Variants in RBBP6 observed in about 807,000 individuals in gnomAD.
RBBP6 encodes RB binding protein 6, ubiquitin ligase, also known as E3 ubiquitin-protein ligase RBBP6.
Under a neutral mutation model 167.7 loss-of-function variants are expected in RBBP6, and 25 were observed. The ratio of observed to expected loss-of-function variants is 0.15; its 90% CI spans 0.11 to 0.21. The LOEUF (loss-of-function observed/expected upper bound fraction) is 0.21. Ranked by LOEUF, RBBP6 falls within the 10% of genes least tolerant of loss-of-function variation. The pLI is 1.00. For missense variants in RBBP6, 1,868 were observed against 2,134.2 expected (o/e 0.88, Z 2.46); for synonymous variants, 789 against 735.8 (o/e 1.07, Z -1.17).
chr16:24,541,205 C>CAAAAAAAAAAAAAAAAAATA (rs933107246), intron 1 of RBBP6, among the ~76,000 whole-genome samples: 1 of 79,268 alleles, frequency 1.3e-5, no homozygotes, highest in Non-Finnish European at 2.5e-5. Flanking sequence ...AAAAAAAAAC[C>CAAAAAAAAAAAAAAAAAATA]AAAAAAACAA....
In RBBP6 at chr16:24,571,444, C is replaced by T. The variant is rs199686152; in HGVS notation, c.4378C>T (p.Arg1460Cys). ...AACGTCAGATAAACATGATTCCACT[C>T]GTGCTTCCTCAAATAAAGACTTCAC... ...ARTSDKHDST[R>C]ASSNKDFTPN... Residue 1460 changes from arginine (R) to cysteine (C), a missense_variant, in exon 18 of 18, where the codon CGT becomes TGT. By Grantham distance (180) the Arg-to-Cys change is radical. This residue lies in a region of RBBP6 where 591 missense variants were observed against 540.5 expected (regional missense o/e 1.09). Transcript: ENST00000319715. The T allele has an allele frequency of 6.1e-5, 99 of 1,612,956 alleles. No homozygotes were observed. Among genetic ancestry groups the T allele is most frequent in the South Asian group, 3.2e-4 (29 of 90,796 alleles).
intron 14 of RBBP6, among the ~76,000 whole-genome samples, chr16:24,565,506 C>T (rs1899173211): frequency 1.3e-5 from 2 of 152,220 alleles, no homozygotes; most frequent in African/African-American, 4.8e-5. Flanking sequence ...ACCACCTGAG[C>T]TCCACCTCTT....
Position 24,570,481 on chromosome 16 carries a change from C to A in RBBP6, c.3791C>A (p.Thr1264Asn). Reference sequence around the variant, plus strand: ...ACTGGAACTGAAGGATCCAGCTCAACTCTGGTGGATTACACCAGGTAGCTG... The same window carrying A: ...ACTGGAACTGAAGGATCCAGCTCAAATCTGGTGGATTACACCAGGTAGCTG... Reference protein sequence around the residue: ...KVTGTEGSSSTLVDYTSTSST... With the variant: ...KVTGTEGSSSNLVDYTSTSST... The change falls in exon 17 of 18, where the codon ACT becomes AAT. Residue 1264 changes from threonine (T) to asparagine (N), a missense_variant. Thr to Asn is a moderately conservative substitution (Grantham distance 65). Around this residue, in one of 7 missense-constraint regions of RBBP6, gnomAD observed 673 missense variants for 691.5 expected, o/e 0.97. Coordinates refer to ENST00000319715, the MANE Select transcript of RBBP6 (RefSeq NM_006910.5). 6.3e-7 allele frequency: 1 copy of A among 1,585,780 alleles called. No homozygotes were observed.
At chr16:24,554,405 C>T (rs1278991781) in intron 4 of RBBP6, 2 of 151,954 alleles carry the variant, frequency 1.3e-5, no homozygotes, top group Non-Finnish European at 2.9e-5. Flanking sequence ...CCAAATTTAG[C>T]AACCAAGATT....
At position 24,572,686 on chromosome 16, in the gene RBBP6, C is replaced by T; in HGVS notation, c.*241C>T. 1 of 421,880 alleles carries T rather than the reference C, an allele frequency of 2.4e-6. No homozygotes were observed. Among genetic ancestry groups the T allele is most frequent in the South Asian group, 5.0e-5 (1 of 19,834 alleles). The allele number at this position is 421,880 out of a possible 1,614,324, so 26.1% of individuals were successfully genotyped here. On this transcript the variant is annotated 3_prime_UTR_variant, in exon 18 of 18. Transcript: ENST00000319715. The stretch of plus-strand genomic sequence containing the variant: ...GCTAGGGCCTATTATTTTTAACCAC[C>T]ATTAATTAGTTGGGGTGGAGTTTAC...
At chr16:24,562,601 A>G (rs1899092216) in intron 10 of RBBP6, among the ~76,000 whole-genome samples, 1 of 151,892 alleles carries the variant, frequency 6.6e-6, no homozygotes, top group African/African-American at 2.4e-5. Flanking sequence ...CATAATTATT[A>G]TGTAGGAGAA....
In RBBP6 at chr16:24,553,556, AG is replaced by A; in HGVS notation, c.348+1del. 1 of 1,534,160 alleles carries A rather than the reference AG, an allele frequency of 6.5e-7. No individual in the cohort carries two copies. Among genetic ancestry groups the A allele is most frequent in the Non-Finnish European group, 8.7e-7 (1 of 1,147,642 alleles). ...TCTATTTCTCTGGCCCAGCTTACAA[AG>A]GTATATATATATATATATTCTTGAA... ...SASISLAQLT[K>X]TANLAEANAS... On this transcript the variant is annotated frameshift_variant and splice_region_variant, in exon 4 of 18. Coordinates refer to ENST00000319715, the MANE Select transcript of RBBP6 (RefSeq NM_006910.5). LOFTEE classifies it high-confidence loss of function.
chr16:24,564,491 T>G (rs549725443), intron 13 of RBBP6, among the ~76,000 whole-genome samples: 1 of 152,366 alleles, frequency 6.6e-6, no homozygotes, highest in East Asian at 1.9e-4. Context: ...AAAGGGCTCT[T>G]TTCCTTGTAT....
At chr16:24,564,119 T>G (rs1300327476) in intron 13 of RBBP6, among the ~76,000 whole-genome samples, 1 of 152,166 alleles carries the variant, frequency 6.6e-6, no homozygotes, top group Non-Finnish European at 1.5e-5. Flanking sequence ...TTGTCTGAAA[T>G]CGAGTTGTTC....
Position 24,541,198 on chromosome 16 carries a change from AAAAAACC to A in RBBP6, c.166+412_166+418del, listed in dbSNP as rs1451016166. ...TCAATCAGCAAAAAAAAAAACAAAA[AAAAAACC>A]AAAAAAACAATTTTCTAACCTAACA... On this transcript the variant is annotated intron_variant, in intron 1 of 17. Transcript: ENST00000319715. 2.0e-3 allele frequency among the ~76,000 whole-genome samples: 265 copies of A among 133,336 alleles called. 8 individuals are homozygous for A. The highest frequency in any genetic ancestry group is 7.5e-3 in the African/African-American group (249 of 33,344). The allele number at this position is 133,336 out of a possible 152,430, so 87.5% of individuals were successfully genotyped here.
intron 3 of RBBP6, among the ~76,000 whole-genome samples, chr16:24,551,784 T>C (rs745843361): frequency 5.9e-5 from 9 of 151,748 alleles, no homozygotes; most frequent in Non-Finnish European, 1.0e-4. Context: ...TAGATAGTAA[T>C]GGGCTATTTT....
Position 24,559,417 on chromosome 16 carries a change from A to G in RBBP6, c.675-88A>G. ...AACTAATTTGGCATTGCGCTGAATTATGTGTTCCCATTATGTTATAGTAGA... is the reference window on the plus strand; with the variant it reads ...AACTAATTTGGCATTGCGCTGAATTGTGTGTTCCCATTATGTTATAGTAGA... On this transcript the variant is annotated intron_variant, in intron 7 of 17. Coordinates refer to ENST00000319715, the MANE Select transcript of RBBP6 (RefSeq NM_006910.5). 7 of 1,109,454 alleles carry G rather than the reference A, an allele frequency of 6.3e-6. 1 individual carries two copies. The South Asian group carries it at 9.8e-5, about 16-fold the overall frequency. The allele number at this position is 1,109,454 out of a possible 1,614,324, so 68.7% of individuals were successfully genotyped here.
intron 10 of RBBP6, 44 bp downstream of exon 10, chr16:24,562,205 A>G (rs1288659045): frequency 6.7e-7 from 1 of 1,502,250 alleles, no homozygotes; most frequent in Non-Finnish European, 9.2e-7. Flanking sequence ...AATGAGGTCA[A>G]TGATGTAGTG....
rs547047406 is a variant in RBBP6 at position 24,549,716 on chromosome 16, TATTGTTTTCA to T, written c.303+737_303+746del. On this transcript the variant is annotated intron_variant, in intron 3 of 17. Coordinates refer to ENST00000319715, the MANE Select transcript of RBBP6 (RefSeq NM_006910.5). ...ATTTTGAGTTTATATAAACTGATTA[TATTGTTTTCA>T]AAGTTTAATGAGATCTTCCACTTCT... Among the ~76,000 whole-genome samples, 22 of 152,136 alleles carry T rather than the reference TATTGTTTTCA, an allele frequency of 1.4e-4. No homozygotes were observed. In the South Asian group the frequency reaches 4.6e-3, roughly 32 times the overall value.
At chr16:24,546,471 A>C (rs1314206322) in intron 2 of RBBP6, among the ~76,000 whole-genome samples, 1 of 152,204 alleles carries the variant, frequency 6.6e-6, no homozygotes, top group South Asian at 2.1e-4. Context: ...TGAGAGGGCC[A>C]TTATTAGGAA....
At position 24,571,167 on chromosome 16, in the gene RBBP6, T is replaced by G. The variant is rs750648345; in HGVS notation, c.4101T>G (p.Ser1367Arg). The G allele has an allele frequency of 1.2e-6, 2 of 1,613,670 alleles. No individual in the cohort carries two copies. Among genetic ancestry groups the G allele is most frequent in the Non-Finnish European group, 8.5e-7 (1 of 1,179,638 alleles). The change falls in exon 18 of 18, where the codon AGT becomes AGG. Residue 1367 changes from serine to arginine, a missense_variant. Physicochemically the swap from Ser to Arg is moderately radical, Grantham distance 110. Around this residue, in one of 7 missense-constraint regions of RBBP6, gnomAD observed 591 missense variants for 540.5 expected, o/e 1.09. Transcript: ENST00000319715. ...TAGTCAAGTATCCTGAGAAAGAAAG[T>G]GAGCCATCCGAGAAAATTCAGAAAT... Reference protein sequence around the residue: ...SNIVKYPEKESEPSEKIQKFT... With the variant: ...SNIVKYPEKEREPSEKIQKFT...
At position 24,570,044 on chromosome 16, in the gene RBBP6, C is replaced by A; in HGVS notation, c.3354C>A (p.Val1118=). 3.1e-6 allele frequency: 5 copies of A among 1,602,214 alleles called. No individual in the cohort carries two copies. The highest frequency in any genetic ancestry group is 1.1e-5 in the South Asian group (1 of 88,914). The change falls in exon 17 of 18, where the codon GTC becomes GTA. Residue 1118 remains valine, a synonymous_variant. Coordinates refer to ENST00000319715, the MANE Select transcript of RBBP6 (RefSeq NM_006910.5). ...TGAAGAAGGACTATTCCAAAGATGT[C>A]AAATCAGAAAAGCTAACAACTAAGG... is the stretch of plus-strand genomic sequence containing the variant. ...EKVKKDYSKD[V]KSEKLTTKEE...
chr16:24,559,821 A>T, intron 8 of RBBP6, 144 bp downstream of exon 8: 1 of 661,866 alleles, frequency 1.5e-6, no homozygotes, highest in Non-Finnish European at 2.2e-6. Flanking sequence ...AGTAGTGAGA[A>T]GTCTGTTTTT....
At position 24,548,964 on chromosome 16, in the gene RBBP6, A is replaced by C; in HGVS notation, c.286A>C (p.Met96Leu). Residue 96 changes from methionine (M) to leucine (L), a missense_variant, in exon 3 of 18, where the codon ATG (methionine) becomes CTG (leucine). This residue lies in a region of RBBP6 where 184 missense variants were observed against 327.7 expected (regional missense o/e 0.56). Coordinates refer to ENST00000319715, the MANE Select transcript of RBBP6 (RefSeq NM_006910.5). ...TTTTAGAAGTCGAACTGAACCAGCG[A>C]TGGCAACTACAAAAGCAGTATGTAA... ...TYVISRTEPAMATTKAIDDSS... is the reference protein window; with the variant it reads ...TYVISRTEPALATTKAIDDSS... The C allele has an allele frequency of 6.2e-7, 1 of 1,611,120 alleles. No homozygotes were observed.
Sources: gnomAD v4.1 joint callset for allele counts (sites outside exome capture counted in the v4.1 genomes callset) on GRCh38, gnomAD v4.1.1 for gene constraint, gnomAD v4.1.1 regional missense constraint, MANE v1.5 for transcripts, NCBI Gene and HGNC (gene_info 2026-07-23, HGNC 2026-07-21) for gene names.